CNTNAP2: variants seen among roughly 807,000 people sequenced by gnomAD.
CNTNAP2 encodes contactin-associated protein-like 2.
Under a neutral mutation model 155.2 loss-of-function variants are expected in CNTNAP2, and 98 were observed. That is an observed-to-expected ratio of 0.63 (90% CI 0.54 to 0.75). The LOEUF is 0.75. Ranked by LOEUF, CNTNAP2 falls within the 30% of genes least tolerant of loss-of-function variation. The pLI is 0.00. For synonymous variants in CNTNAP2, 651 were observed against 631.2 expected, an observed-to-expected ratio of 1.03 and a Z score of -0.47; for missense variants, 1,727 against 1,688.1, an observed-to-expected ratio of 1.02 and a Z score of -0.40.
At chr7:147,399,515 G>A (rs1295280169) in intron 10 of CNTNAP2, among the ~76,000 whole-genome samples, 1 of 152,110 alleles carries the variant, frequency 6.6e-6, no homozygotes, top group Non-Finnish European at 1.5e-5. Context: ...AGGAAATAGG[G>A]ATAAATCCAA....
chr7:148,084,276 C>A (rs1236335584), intron 15 of CNTNAP2, among the ~76,000 whole-genome samples: 1 of 152,178 alleles, frequency 6.6e-6, no homozygotes, highest in Non-Finnish European at 1.5e-5. Flanking sequence ...TTTACAGAGG[C>A]TTTGGTGGTG....
At chr7:148,085,331 CA>C (rs1413179666) in intron 15 of CNTNAP2, among the ~76,000 whole-genome samples, 1 of 152,116 alleles carries the variant, frequency 6.6e-6, no homozygotes, top group Non-Finnish European at 1.5e-5. Context: ...GATTGAGCTT[CA>C]AATGTGAATT....
chr7:146,600,757 C>T (rs557603740), intron 1 of CNTNAP2, among the ~76,000 whole-genome samples: 14 of 152,198 alleles, frequency 9.2e-5, no homozygotes, highest in African/African-American at 2.9e-4. Flanking sequence ...GTGGCATATT[C>T]CCTTATTCAT....
intron 1 of CNTNAP2, among the ~76,000 whole-genome samples, chr7:146,699,998 G>C (rs1319114140): frequency 6.6e-6 from 1 of 152,030 alleles, no homozygotes; most frequent in Non-Finnish European, 1.5e-5. Flanking sequence ...AAATATTCAG[G>C]GGGTATTTCA....
chr7:146,722,980 A>G (rs553118353), intron 1 of CNTNAP2, among the ~76,000 whole-genome samples: 16 of 152,168 alleles, frequency 1.1e-4, no homozygotes, highest in South Asian at 4.2e-4. Context: ...GTGCCACTGC[A>G]CTCCAGCCTG....
intron 12 of CNTNAP2, among the ~76,000 whole-genome samples, chr7:147,599,636 C>A (rs1480227985): frequency 6.6e-6 from 1 of 152,106 alleles, no homozygotes; most frequent in African/African-American, 2.4e-5. Flanking sequence ...TCTTTCCTTG[C>A]CTCTTCCAGC....
At chr7:146,534,825 G>C (rs1797822641) in intron 1 of CNTNAP2, among the ~76,000 whole-genome samples, 1 of 151,124 alleles carries the variant, frequency 6.6e-6, no homozygotes, top group African/African-American at 2.4e-5. Context: ...AATCCAAGCT[G>C]AGCAATTTAT....
intron 1 of CNTNAP2, among the ~76,000 whole-genome samples, chr7:146,228,314 T>A (rs886886841): frequency 4.6e-5 from 7 of 152,218 alleles, no homozygotes; most frequent in Non-Finnish European, 7.3e-5. Flanking sequence ...GTTGCCTAAA[T>A]GAAACTCTCA....
intron 8 of CNTNAP2, among the ~76,000 whole-genome samples, chr7:147,166,063 A>G (rs1371504211): frequency 1.3e-5 from 2 of 152,200 alleles, no homozygotes; most frequent in African/African-American, 4.8e-5. Context: ...CATTACATGA[A>G]AAAGATACTT....
intron 1 of CNTNAP2, among the ~76,000 whole-genome samples, chr7:146,268,855 T>C (rs1800035221): frequency 6.6e-6 from 1 of 152,180 alleles, no homozygotes; most frequent in Non-Finnish European, 1.5e-5. Context: ...AAGAAGAAGA[T>C]AGTTCAACAT....
chr7:146,787,744 C>G (rs1802601170), intron 2 of CNTNAP2, among the ~76,000 whole-genome samples: 1 of 152,138 alleles, frequency 6.6e-6, no homozygotes, highest in South Asian at 2.1e-4. Flanking sequence ...GCTGATTGGT[C>G]CATTTTACAG....
intron 1 of CNTNAP2, among the ~76,000 whole-genome samples, chr7:146,412,076 A>G (rs1795874593): frequency 6.6e-6 from 1 of 151,854 alleles, no homozygotes; most frequent in South Asian, 2.1e-4. Flanking sequence ...CCAGTGATCC[A>G]CTCACCTTGG....
chr7:146,289,446 C>T (rs1800393604), intron 1 of CNTNAP2, among the ~76,000 whole-genome samples: 1 of 152,174 alleles, frequency 6.6e-6, no homozygotes, highest in South Asian at 2.1e-4. Context: ...AATTTTCCCT[C>T]ACCCTTAATA....
At chr7:148,353,139 G>A (rs1339990193) in intron 21 of CNTNAP2, among the ~76,000 whole-genome samples, 2 of 152,190 alleles carry the variant, frequency 1.3e-5, no homozygotes, top group African/African-American at 4.8e-5. Flanking sequence ...AGGTCAACAG[G>A]CGGGGCCCCG....
At chr7:146,821,746 GA>G (rs1466572301) in intron 2 of CNTNAP2, among the ~76,000 whole-genome samples, 10 of 152,022 alleles carry the variant, frequency 6.6e-5, no homozygotes, top group Non-Finnish European at 1.2e-4. Context: ...GGCCATCAGA[GA>G]AATGCAAATC....
chr7:147,977,962 G>T lies in CNTNAP2; in HGVS notation c.2356G>T (p.Val786Leu), dbSNP rs138517537. ...DRQGSEAKLS[V>L]GPLRCQGDRN... ...TCAAGGCTCAGAAGCCAAATTGAGC[G>T]TAGGTCCTCTGCGCTGCCAAGGAGA... The change falls in exon 15 of 24, where the codon GTA (valine) becomes TTA (leucine). Residue 786 changes from valine to leucine, a missense_variant. Coordinates refer to ENST00000361727, the MANE Select transcript of CNTNAP2 (RefSeq NM_014141.6). 2.1e-3 allele frequency: 3,470 copies of T among 1,614,102 alleles called. 80 individuals are homozygous for T. In the South Asian group the frequency reaches 0.028, roughly 13 times the overall value.
chr7:147,348,804 A>C lies in CNTNAP2; in HGVS notation c.1499-46805A>C, dbSNP rs115364682. The stretch of plus-strand genomic sequence containing the variant: ...CGGTATATATACACAATGGAATACT[A>C]TTCACCTATTAAAAAGAATGAAATC... On this transcript the variant is annotated intron_variant, in intron 9 of 23. Coordinates refer to ENST00000361727, the MANE Select transcript of CNTNAP2 (RefSeq NM_014141.6). 8.7e-3 allele frequency among the ~76,000 whole-genome samples: 1,322 copies of C among 152,156 alleles called. 22 individuals carry two copies. Among genetic ancestry groups the C allele is most frequent in the African/African-American group, 0.031 (1,268 of 41,554 alleles).
chr7:147,061,494 T>C lies in CNTNAP2; in HGVS notation c.550+17440T>C, dbSNP rs543519289. Among the ~76,000 whole-genome samples the C allele has an allele frequency of 3.9e-5, 6 of 152,336 alleles. No homozygotes were observed. The South Asian group carries it at 1.0e-3, about 26-fold the overall frequency. On this transcript the variant is annotated intron_variant, in intron 4 of 23. Coordinates refer to ENST00000361727, the MANE Select transcript of CNTNAP2 (RefSeq NM_014141.6). The stretch of plus-strand genomic sequence containing the variant: ...CGAAAGGCTTACTCTAAGTCAATCC[T>C]GGTTTCATTTTATTTCAGGGTCTTA...
At chr7:148,259,179 TA>T (rs34229180) in intron 20 of CNTNAP2, among the ~76,000 whole-genome samples, 3,121 of 23,522 alleles carry the variant, frequency 0.13, 33 homozygotes, top group Middle Eastern at 0.27. Context: ...AACTCCGTCT[TA>T]AAAAAAAAAA....
Sources: gnomAD v4.1 joint callset for allele counts (sites outside exome capture counted in the v4.1 genomes callset) on GRCh38, gnomAD v4.1.1 for gene constraint, MANE v1.5 for transcripts, NCBI Gene and HGNC (gene_info 2026-07-23, HGNC 2026-07-21) for gene names.